Variants in CFAP299 observed in about 807,000 individuals in gnomAD.
CFAP299 encodes the protein cilia and flagella associated protein 299.
In CFAP299, 21 loss-of-function variants were observed where a neutral mutation model predicts 27.0. The observed-to-expected ratio is 0.78, with a 90% CI of 0.55 to 1.12. The LOEUF is 1.12. CFAP299 is among the 50% of genes most tolerant of loss of function. CFAP299 has a pLI of 0.00. For missense variants in CFAP299, 310 were observed against 276.6 expected (o/e 1.12, Z -0.86); for synonymous variants, 104 against 98.1 (o/e 1.06, Z -0.36).
At chr4:80,916,981 T>C (rs76122221) in intron 4 of CFAP299, among the ~76,000 whole-genome samples, 3,301 of 151,864 alleles carry the variant, frequency 0.022, 122 homozygotes, top group East Asian at 0.15. Flanking sequence ...CAGAGCAGTA[T>C]GAAGAGCAAA....
chr4:80,792,106 A>G (rs1343151623), intron 3 of CFAP299, among the ~76,000 whole-genome samples: 1 of 152,034 alleles, frequency 6.6e-6, no homozygotes, highest in African/African-American at 2.4e-5. Context: ...ATTATCAGAT[A>G]AATTTCTGTA....
At chr4:80,383,854 T>G (rs916272044) in intron 2 of CFAP299, among the ~76,000 whole-genome samples, 9 of 152,124 alleles carry the variant, frequency 5.9e-5, no homozygotes, top group South Asian at 2.1e-4. Flanking sequence ...TCTGTTTTTT[T>G]TTGTTGTTGT....
intron 2 of CFAP299, among the ~76,000 whole-genome samples, chr4:80,434,237 G>A (rs1727957760): frequency 1.3e-5 from 2 of 152,016 alleles, no homozygotes; most frequent in African/African-American, 4.8e-5. Flanking sequence ...ATTAAAATAA[G>A]CAAGTCTCTT....
intron 4 of CFAP299, among the ~76,000 whole-genome samples, chr4:80,943,553 T>C (rs1737305753): frequency 6.6e-6 from 1 of 152,152 alleles, no homozygotes; most frequent in Admixed American, 6.6e-5. Context: ...GTGTTATTTC[T>C]GTGACCATCA....
At chr4:80,694,335 T>A (rs1720953449) in intron 3 of CFAP299, among the ~76,000 whole-genome samples, 1 of 152,216 alleles carries the variant, frequency 6.6e-6, no homozygotes, top group African/African-American at 2.4e-5. Flanking sequence ...CCATGCCACC[T>A]GACTGAGAGT....
intron 4 of CFAP299, among the ~76,000 whole-genome samples, chr4:80,923,857 G>T (rs1361755603): frequency 6.6e-6 from 1 of 151,926 alleles, no homozygotes; most frequent in Non-Finnish European, 1.5e-5. Flanking sequence ...TGAGGCTATT[G>T]AGGAATTATT....
intron 3 of CFAP299, among the ~76,000 whole-genome samples, chr4:80,629,207 G>A (rs1424862738): frequency 3.9e-5 from 6 of 152,106 alleles, no homozygotes. Flanking sequence ...AATAGGCGGG[G>A]CACAGAAAGA....
chr4:80,848,640 G>T (rs1731316616), intron 3 of CFAP299, among the ~76,000 whole-genome samples: 1 of 152,054 alleles, frequency 6.6e-6, no homozygotes, highest in African/African-American at 2.4e-5. Context: ...AGCTGAGTGT[G>T]GTGGCACTTG....
At chr4:80,902,619 A>ACG (rs1734985259) in intron 4 of CFAP299, among the ~76,000 whole-genome samples, 1 of 149,878 alleles carries the variant, frequency 6.7e-6, no homozygotes, top group African/African-American at 2.4e-5. Flanking sequence ...ACACACACAC[A>ACG]CACACACTTT....
intron 3 of CFAP299, among the ~76,000 whole-genome samples, chr4:80,766,238 C>A (rs1490688829): frequency 6.6e-6 from 1 of 152,048 alleles, no homozygotes; most frequent in Non-Finnish European, 1.5e-5. Context: ...AAAATGTAAA[C>A]AGCAATAGAG....
intron 2 of CFAP299, among the ~76,000 whole-genome samples, chr4:80,418,164 T>C (rs569267834): frequency 6.6e-6 from 1 of 152,214 alleles, no homozygotes; most frequent in South Asian, 2.1e-4. Flanking sequence ...TGGGACAATA[T>C]ACATGGAAAT....
At chr4:80,720,363 G>A (rs1722741875) in intron 3 of CFAP299, among the ~76,000 whole-genome samples, 1 of 152,040 alleles carries the variant, frequency 6.6e-6, no homozygotes, top group African/African-American at 2.4e-5. Flanking sequence ...AGTACTCAGA[G>A]GGGTTTTACC....
chr4:80,530,866 C>T (rs1407481027), intron 2 of CFAP299, among the ~76,000 whole-genome samples: 1 of 152,094 alleles, frequency 6.6e-6, no homozygotes, highest in Non-Finnish European at 1.5e-5. Context: ...TCAAGGAGTC[C>T]TAGCATGGAT....
chr4:80,776,022 C>T (rs1443769427), intron 3 of CFAP299, among the ~76,000 whole-genome samples: 4 of 152,024 alleles, frequency 2.6e-5, no homozygotes, highest in African/African-American at 7.2e-5. Flanking sequence ...TTCTTTTTCT[C>T]CCCCTGGATG....
At chr4:80,491,247 A>G (rs1352380937) in intron 2 of CFAP299, among the ~76,000 whole-genome samples, 1 of 152,164 alleles carries the variant, frequency 6.6e-6, no homozygotes, top group East Asian at 1.9e-4. Context: ...GTTTAAAAAT[A>G]GAATTAATAT....
chr4:80,389,014 A>G (rs1176566537), intron 2 of CFAP299, among the ~76,000 whole-genome samples: 2 of 152,086 alleles, frequency 1.3e-5, no homozygotes, highest in Non-Finnish European at 2.9e-5. Context: ...TGTGTGTTTA[A>G]CATGGAAAGT....
At chr4:80,479,785 G>A (rs909436203) in intron 2 of CFAP299, among the ~76,000 whole-genome samples, 7 of 151,752 alleles carry the variant, frequency 4.6e-5, no homozygotes, top group South Asian at 2.1e-4. Context: ...AACTTGTTTC[G>A]TTCAATAAAG....
rs74915994 is a variant in CFAP299, at chr4:80,533,763, A to G, written c.243-49330A>G. On this transcript the variant is annotated intron_variant, in intron 2 of 5. Transcript: ENST00000358105. The stretch of plus-strand genomic sequence containing the variant: ...ACATGCTCCAAGGATGCTCATCAGA[A>G]TTATTCATAACAAAAAATACCTGGG... Among the ~76,000 whole-genome samples, 95 of 152,310 alleles carry G rather than the reference A, an allele frequency of 6.2e-4. 1 individual carries two copies. In the East Asian group the frequency reaches 0.015, roughly 25 times the overall value.
intron 3 of CFAP299, among the ~76,000 whole-genome samples, chr4:80,691,800 G>T (rs1044496546): frequency 6.6e-6 from 1 of 152,184 alleles, no homozygotes; most frequent in South Asian, 2.1e-4. Context: ...AAACCCCATT[G>T]TCTCAGCCCA....
Sources: allele counts gnomAD v4.1 joint callset (sites outside exome capture counted in the v4.1 genomes callset), GRCh38; gene constraint gnomAD v4.1.1; transcripts MANE v1.5; gene names NCBI Gene and HGNC (gene_info 2026-07-23, HGNC 2026-07-21).